OXLD1: variants seen among roughly 807,000 people sequenced by gnomAD.
OXLD1 encodes oxidoreductase like domain containing 1.
In OXLD1, 4 loss-of-function variants were observed where a neutral mutation model predicts 3.1. That is an observed-to-expected ratio of 1.28 (90% CI 0.63 to 2.92). The LOEUF (loss-of-function observed/expected upper bound fraction) is 2.92. OXLD1 is among the 30% of genes most tolerant of loss of function. The probability of loss-of-function intolerance (pLI) is 0.01; values close to 1 mark genes in which losing one functional copy is unlikely to be tolerated. For synonymous variants in OXLD1, 100 were observed against 87.0 expected (o/e 1.15, Z -0.83); for missense variants, 240 against 204.6 (o/e 1.17, Z -1.05).
At position 81,665,320 on chromosome 17, in the gene OXLD1, G is replaced by A. The variant is rs1242479514; in HGVS notation, c.325C>T (p.Gln109Ter). The A allele has an allele frequency of 6.2e-7, 1 of 1,613,478 alleles. No individual in the cohort carries two copies. The change falls in exon 2 of 2, where the codon CAG (glutamine) becomes TAG (stop). Residue 109 changes from glutamine to a stop codon, truncating the protein, a stop_gained. Transcript: ENST00000374741. LOFTEE classifies it high-confidence loss of function. ...VWVEYADRLL[Q>*]HFQDGGERAL... ...CGCTCCCCACCGTCCTGGAAGTGCT[G>A]CAGCAGCCTGTCCGCGTACTCCACC...
chr17:81,666,254 G>C (rs1475928236), intron 1 of OXLD1: 2 of 492,244 alleles, frequency 4.1e-6, no homozygotes, highest in East Asian at 3.5e-5. Flanking sequence ...CAGATACTGA[G>C]AAACAGGAAA....
chr17:81,666,465 G>A (rs756637512), intron 1 of OXLD1, 53 bp downstream of exon 1: 967 of 1,520,210 alleles, frequency 6.4e-4, no homozygotes, highest in Non-Finnish European at 8.2e-4. Context: ...CCCCCGGACA[G>A]CGGCCTCTCG....
chr17:81,665,846 A>AC (rs1404057066), intron 1 of OXLD1: 2 of 511,986 alleles, frequency 3.9e-6, no homozygotes, highest in African/African-American at 3.9e-5. Flanking sequence ...GCACTCAAGC[A>AC]CATGGTGGGG....
At position 81,666,543 on chromosome 17, in the gene OXLD1, G is replaced by A. The variant is rs1262124131; in HGVS notation, c.35C>T (p.Ala12Val). The A allele has an allele frequency of 6.6e-7, 1 of 1,518,822 alleles. No individual in the cohort carries two copies. The highest frequency in any genetic ancestry group is 8.8e-7 in the Non-Finnish European group (1 of 1,141,646). 94.1% of individuals were successfully genotyped at this position (1,518,822 alleles called of 1,614,324 possible). ...CGAGCCACGGACCGCGGCGGCTACC[G>A]CCCGGCCTCCCTCGACCACCCTCCG... Reference protein sequence around the residue: ...LLRRVVEGGRAVAAAVRGSGA... With the variant: ...LLRRVVEGGRVVAAAVRGSGA... The change falls in exon 1 of 2, where the codon GCG (alanine) becomes GTG (valine). Residue 12 changes from alanine to valine, a missense_variant. Coordinates refer to ENST00000374741, the MANE Select transcript of OXLD1 (RefSeq NM_001039842.3).
At position 81,665,169 on chromosome 17, in the gene OXLD1, C is replaced by G; in HGVS notation, c.*32G>C. The G allele has an allele frequency of 6.4e-7, 1 of 1,570,480 alleles. No individual in the cohort carries two copies. Reference sequence around the variant, plus strand: ...GAGGCTGCGGCTGCGTCCTGGACTCCGTCCTGCGGTAGGGAGTCCAGCAGG... The same window carrying G: ...GAGGCTGCGGCTGCGTCCTGGACTCGGTCCTGCGGTAGGGAGTCCAGCAGG... On this transcript the variant is annotated 3_prime_UTR_variant, in exon 2 of 2. Coordinates refer to ENST00000374741, the MANE Select transcript of OXLD1 (RefSeq NM_001039842.3).
rs771994557 is a variant in OXLD1, at chr17:81,665,506, C to T, written c.139G>A (p.Gly47Arg). 3.3e-5 allele frequency: 53 copies of T among 1,611,684 alleles called. No individual in the cohort carries two copies. The highest frequency in any genetic ancestry group is 1.6e-4 in the Middle Eastern group (1 of 6,074). The change falls in exon 2 of 2, where the codon GGA becomes AGA. Residue 47 changes from glycine (G) to arginine (R), a missense_variant. Coordinates refer to ENST00000374741, the MANE Select transcript of OXLD1 (RefSeq NM_001039842.3). Reference protein sequence around the residue: ...GGSFLQRHHPGAQAPDGRRKF... With the variant: ...GGSFLQRHHPRAQAPDGRRKF... ...CTGCGCCCATCAGGGGCTTGCGCTC[C>T]GGGATGGTGCCTTTGAAGAAAGCTG...
In OXLD1 at chr17:81,665,388, G is replaced by A. The variant is rs755309317; in HGVS notation, c.257C>T (p.Pro86Leu). The change falls in exon 2 of 2, where the codon CCG (proline) becomes CTG (leucine). Residue 86 changes from proline (P) to leucine (L), a missense_variant. Physicochemically the swap from Pro to Leu is moderately conservative, Grantham distance 98. Transcript: ENST00000374741. ...PKASLPPELQ[P>L]PTNCCMSGCP... is the part of the protein sequence containing the mutation. ...GCCACTCATGCAGCAGTTTGTGGGC[G>A]GCTGGAGCTCAGGTGGCAGCGATGC... 8.1e-6 allele frequency: 13 copies of A among 1,613,480 alleles called. No individual in the cohort carries two copies. Among genetic ancestry groups the A allele is most frequent in the Non-Finnish European group, 1.0e-5 (12 of 1,180,036 alleles).
rs2036584572 is a variant in OXLD1 at position 81,665,409 on chromosome 17, G to A, written c.236C>T (p.Ser79Leu). ...GADGTRPPKA[S>L]LPPELQPPTN... Reference sequence around the variant, plus strand: ...GGGCGGCTGGAGCTCAGGTGGCAGCGATGCCTTGGGCGGCCTGGTGCCGTC... The same window carrying A: ...GGGCGGCTGGAGCTCAGGTGGCAGCAATGCCTTGGGCGGCCTGGTGCCGTC... The change falls in exon 2 of 2, where the codon TCG (serine) becomes TTG (leucine). Residue 79 changes from serine to leucine, a missense_variant. Coordinates refer to ENST00000374741, the MANE Select transcript of OXLD1 (RefSeq NM_001039842.3). 3.1e-6 allele frequency: 5 copies of A among 1,613,418 alleles called. No individual in the cohort carries two copies. Among genetic ancestry groups the A allele is most frequent in the East Asian group, 2.2e-5 (1 of 44,902 alleles).
intron 1 of OXLD1, 140 bp from the exon 2 acceptor site, chr17:81,665,724 A>T: frequency 5.1e-6 from 5 of 983,976 alleles, no homozygotes; most frequent in Non-Finnish European, 7.3e-6. Context: ...GTGACTTTAG[A>T]CATGTTATTT....
Position 81,666,534 on chromosome 17 carries a change from G to A in OXLD1, c.44C>T (p.Ala15Val). The change falls in exon 1 of 2, where the codon GCC becomes GTC. Residue 15 changes from alanine (A) to valine (V), a missense_variant. Coordinates refer to ENST00000374741, the MANE Select transcript of OXLD1 (RefSeq NM_001039842.3). Reference sequence around the variant, plus strand: ...GGTACTTGCCGAGCCACGGACCGCGGCGGCTACCGCCCGGCCTCCCTCGAC... The same window carrying A: ...GGTACTTGCCGAGCCACGGACCGCGACGGCTACCGCCCGGCCTCCCTCGAC... ...RVVEGGRAVA[A>V]AVRGSGARRF... The A allele has an allele frequency of 6.6e-7, 1 of 1,525,300 alleles. No homozygotes were observed. Among genetic ancestry groups the A allele is most frequent in the Middle Eastern group, 2.2e-4 (1 of 4,626 alleles). The allele number at this position is 1,525,300 out of a possible 1,614,324, so 94.5% of individuals were successfully genotyped here.
Position 81,666,589 on chromosome 17 carries a change from G to T in OXLD1, c.-12C>A, listed in dbSNP as rs750210033. 19 of 1,445,772 alleles carry T rather than the reference G, an allele frequency of 1.3e-5. No individual in the cohort carries two copies. Among genetic ancestry groups the T allele is most frequent in the South Asian group, 9.7e-5 (7 of 72,166 alleles). The allele number at this position is 1,445,772 out of a possible 1,614,324, so 89.6% of individuals were successfully genotyped here. ...CTCCGCAGCAGCATCGCCCGCGGAC[G>T]GGATCCGGCAACCCCTGACCGTGAG... On this transcript the variant is annotated 5_prime_UTR_variant, in exon 1 of 2. Transcript: ENST00000374741.
intron 1 of OXLD1, chr17:81,666,280 G>A (rs924694641): frequency 4.0e-6 from 2 of 494,986 alleles, no homozygotes; most frequent in African/African-American, 2.0e-5. Context: ...CGTTCACCGG[G>A]CTGCTTCCTC....
In OXLD1 at chr17:81,665,208, C is replaced by A; in HGVS notation, c.437G>T (p.Gly146Val). The change falls in exon 2 of 2, where the codon GGA (glycine) becomes GTA (valine). Residue 146 changes from glycine to valine, a missense_variant. Physicochemically the swap from Gly to Val is moderately radical, Grantham distance 109. Transcript: ENST00000374741. ...RMEIRLHTRC[G>V]G ...GAGTCCAGCAGGGATGGCTCAGCCT[C>A]CGCACCTGGTGTGCAGCCGGATCTC... 1 of 1,608,900 alleles carries A rather than the reference C, an allele frequency of 6.2e-7. No individual in the cohort carries two copies. Among genetic ancestry groups the A allele is most frequent in the Non-Finnish European group, 8.5e-7 (1 of 1,177,108 alleles).
rs889462983 is a variant in OXLD1 at position 81,665,344 on chromosome 17, C to T, written c.301G>A (p.Val101Met). ...CMSGCPNCVW[V>M]EYADRLLQHF... ...TGCAGCAGCCTGTCCGCGTACTCCACCCACACGCAGTTGGGGCAGCCACTC... is the reference window on the plus strand; with the variant it reads ...TGCAGCAGCCTGTCCGCGTACTCCATCCACACGCAGTTGGGGCAGCCACTC... Residue 101 changes from valine (V) to methionine (M), a missense_variant, in exon 2 of 2, where the codon GTG (valine) becomes ATG (methionine). Val to Met is a conservative substitution (Grantham distance 21, BLOSUM62 1). Transcript: ENST00000374741. 4 of 1,613,392 alleles carry T rather than the reference C, an allele frequency of 2.5e-6. No homozygotes were observed. The highest frequency in any genetic ancestry group is 2.7e-5 in the African/African-American group (2 of 74,942).
chr17:81,665,366 A>G lies in OXLD1; in HGVS notation c.279T>C (p.Ser93=). The part of the protein sequence containing the change: ...ELQPPTNCCM[S]GCPNCVWVEY... ...CCACCCACACGCAGTTGGGGCAGCC[A>G]CTCATGCAGCAGTTTGTGGGCGGCT... The change falls in exon 2 of 2, where the codon AGT becomes AGC. Residue 93 remains serine, a synonymous_variant. Transcript: ENST00000374741. 6.2e-7 allele frequency: 1 copy of G among 1,613,578 alleles called. No homozygotes were observed. The highest frequency in any genetic ancestry group is 8.5e-7 in the Non-Finnish European group (1 of 1,180,018).
At chr17:81,665,740 C>G (rs1312227641) in intron 1 of OXLD1, 156 bp from the exon 2 acceptor site, 2 of 833,836 alleles carry the variant, frequency 2.4e-6, no homozygotes, top group Admixed American at 6.0e-5. Context: ...TATTTCACCT[C>G]TCTAGACTCA....
At chr17:81,665,647 A>C (rs2036593916) in intron 1 of OXLD1, 63 bp from the exon 2 acceptor site, 1 of 1,501,686 alleles carries the variant, frequency 6.7e-7, no homozygotes, top group Non-Finnish European at 8.9e-7. Flanking sequence ...TACCCCCAGC[A>C]GTGAGGACAT....
At chr17:81,665,750 A>C in intron 1 of OXLD1, 166 bp from the exon 2 acceptor site, 1 of 780,414 alleles carries the variant, frequency 1.3e-6, no homozygotes, top group Non-Finnish European at 2.0e-6. Context: ...CTCTAGACTC[A>C]GTTTCCCCAC....
At chr17:81,666,418 G>A in intron 1 of OXLD1, 100 bp downstream of exon 1, 1 of 1,384,518 alleles carries the variant, frequency 7.2e-7, no homozygotes, top group Non-Finnish European at 9.7e-7. Context: ...CCCCACATGC[G>A]GGTGGAGGGG....
Sources: gnomAD v4.1 joint callset for allele counts on GRCh38, gnomAD v4.1.1 for gene constraint, MANE v1.5 for transcripts, NCBI Gene and HGNC (gene_info 2026-07-23, HGNC 2026-07-21) for gene names.